MAGEC1: variants seen among roughly 807,000 people sequenced by gnomAD.
The protein encoded by MAGEC1 is MAGE family member C1, also known as melanoma-associated antigen C1.
Under a neutral mutation model 1.5 loss-of-function variants are expected in MAGEC1, and 3 were observed. The ratio of observed to expected loss-of-function variants is 1.97; its 90% CI spans 0.90 to 5.10. The LOEUF is 5.10. Among genes scored for constraint, MAGEC1 ranks in the 30% most tolerant of loss-of-function variants. MAGEC1 has a pLI of 0.02. For missense variants in MAGEC1, 985 were observed against 803.1 expected, an observed-to-expected ratio of 1.23 and a Z score of -2.74; for synonymous variants, 357 against 310.4, an observed-to-expected ratio of 1.15 and a Z score of -1.58.
At position 141,906,525 on chromosome X, in the gene MAGEC1, A is replaced by G. The variant is rs768740278; in HGVS notation, c.1121A>G (p.Gln374Arg). ...TFEGFPQSPL[Q>R]IPGSPSFSST... is the part of the protein sequence containing the mutation. ...GAGGGTTTTCCCCAGTCTCCTCTCC[A>G]GATTCCTGGGAGCCCCTCCTTCTCC... Residue 374 changes from glutamine (Q) to arginine (R), a missense_variant, in exon 4 of 4, where the codon CAG (glutamine) becomes CGG (arginine). Physicochemically the swap from Gln to Arg is conservative, Grantham distance 43. Transcript: ENST00000285879. 3.9e-5 allele frequency: 47 copies of G among 1,194,971 alleles called. No homozygotes were observed. The highest frequency in any genetic ancestry group is 1.1e-5 in the Non-Finnish European group (10 of 887,574).
rs776926725 is a variant in MAGEC1 at position 141,906,906 on chromosome X, G to A, written c.1502G>A (p.Cys501Tyr). The A allele has an allele frequency of 8.3e-7, 1 of 1,210,908 alleles. No individual in the cohort carries two copies. The highest frequency in any genetic ancestry group is 2.2e-5 in the Admixed American group (1 of 45,995). Residue 501 changes from cysteine to tyrosine, a missense_variant, in exon 4 of 4, where the codon TGT becomes TAT. By Grantham distance (194) the Cys-to-Tyr change is radical. Transcript: ENST00000285879. The stretch of plus-strand genomic sequence containing the variant: ...AGTCTTTTCCAGAGTTCCCCTGAGT[G>A]TACTCAAAGTACTTTTGAGGGTTTT... Reference protein sequence around the residue: ...LLSLFQSSPECTQSTFEGFPQ... With the variant: ...LLSLFQSSPEYTQSTFEGFPQ...
In MAGEC1 at chrX:141,907,293, G is replaced by A; in HGVS notation, c.1889G>A (p.Ser630Asn). ...EFQSSLQSPV[S>N]ICSSSTPSSL... is the part of the protein sequence containing the mutation. Reference sequence around the variant, plus strand: ...CAGTCTTCTCTCCAGAGCCCTGTGAGCATCTGCTCCTCCTCCACTCCATCC... The same window carrying A: ...CAGTCTTCTCTCCAGAGCCCTGTGAACATCTGCTCCTCCTCCACTCCATCC... Residue 630 changes from serine (S) to asparagine (N), a missense_variant, in exon 4 of 4, where the codon AGC (serine) becomes AAC (asparagine). Coordinates refer to ENST00000285879, the MANE Select transcript of MAGEC1 (RefSeq NM_005462.5). The A allele has an allele frequency of 8.3e-7, 1 of 1,208,910 alleles. No individual in the cohort carries two copies. The highest frequency in any genetic ancestry group is 1.1e-6 in the Non-Finnish European group (1 of 894,473).
Position 141,905,052 on chromosome X carries a change from C to T in MAGEC1, c.-21C>T. Reference sequence around the variant, plus strand: ...ACCTTAAGAGAAGAAGAGCTGTAAGCCGGCCTTTGTCAGAGCCATCATGGG... The same window carrying T: ...ACCTTAAGAGAAGAAGAGCTGTAAGTCGGCCTTTGTCAGAGCCATCATGGG... On this transcript the variant is annotated 5_prime_UTR_variant, in exon 3 of 4. Transcript: ENST00000285879. 8.3e-7 allele frequency: 1 copy of T among 1,212,008 alleles called. No homozygotes were observed. Among genetic ancestry groups the T allele is most frequent in the Non-Finnish European group, 1.1e-6 (1 of 895,536 alleles).
Position 141,905,582 on chromosome X carries a change from G to C in MAGEC1, c.178G>C (p.Gly60Arg), listed in dbSNP as rs752925513. The C allele has an allele frequency of 2.9e-5, 35 of 1,208,988 alleles. No homozygotes were observed. Among genetic ancestry groups the C allele is most frequent in the Non-Finnish European group, 3.8e-5 (34 of 894,580 alleles). The change falls in exon 4 of 4, where the codon GGG (glycine) becomes CGG (arginine). Residue 60 changes from glycine to arginine, a missense_variant. By Grantham distance (125) the Gly-to-Arg change is moderately radical. Transcript: ENST00000285879. ...CCAGAGTCCTCAGAGTCGTTCTGAG[G>C]GGGAGGACTCCTCGGATCCTCTCCA... ...PLQSPQSRSE[G>R]EDSSDPLQRP... is the part of the protein sequence containing the mutation.
At chrX:141,904,927 C>T in intron 2 of MAGEC1, 43 bp from the exon 3 acceptor site, 1 of 919,444 alleles carries the variant, frequency 1.1e-6, no homozygotes, top group Admixed American at 2.4e-5. Context: ...CAGGCTCTGC[C>T]TGCCAGCTGT....
chrX:141,905,383 C>T, intron 3 of MAGEC1, 26 bp from the exon 4 acceptor site: 1 of 1,175,910 alleles, frequency 8.5e-7, no homozygotes, highest in Non-Finnish European at 1.1e-6. Flanking sequence ...CATCCTCATC[C>T]TCCTCTCTGC....
intron 1 of MAGEC1, 46 bp downstream of exon 1, chrX:141,904,024 G>C (rs1300362438): frequency 8.8e-6 from 1 of 113,212 alleles, no homozygotes; most frequent in Admixed American, 9.3e-5. Flanking sequence ...ACCACAGAGA[G>C]AAGCAGCCCT....
rs77030469 is a variant in MAGEC1 at position 141,905,818 on chromosome X, T to C, written c.414T>C (p.Ser138=). 21 of 1,210,616 alleles carry C rather than the reference T, an allele frequency of 1.7e-5. No individual in the cohort carries two copies. Among genetic ancestry groups the C allele is most frequent in the South Asian group, 1.6e-4 (9 of 56,794 alleles). ...ATCCTGCGAGTTCCTTCTTCTCCTC[T>C]GCTTTATTGAGTATTTTCCAGAGTT... The part of the protein sequence containing the change: ...LQNPASSFFS[S]ALLSIFQSSP... The change falls in exon 4 of 4, where the codon TCT becomes TCC. Residue 138 remains serine, a synonymous_variant. Coordinates refer to ENST00000285879, the MANE Select transcript of MAGEC1 (RefSeq NM_005462.5).
Position 141,908,074 on chromosome X carries a change from C to T in MAGEC1, c.2670C>T (p.Ser890=). Residue 890 remains serine (S), a synonymous_variant, in exon 4 of 4, where the codon TCC becomes TCT. Coordinates refer to ENST00000285879, the MANE Select transcript of MAGEC1 (RefSeq NM_005462.5). The part of the protein sequence containing the change: ...SSSDTLLESD[S]LTDSESLIES... Reference sequence around the variant, plus strand: ...CAGACACCTTGCTAGAGAGTGATTCCTTGACAGACAGCGAGTCCTTGATAG... The same window carrying T: ...CAGACACCTTGCTAGAGAGTGATTCTTTGACAGACAGCGAGTCCTTGATAG... 1 of 1,211,974 alleles carries T rather than the reference C, an allele frequency of 8.3e-7. No homozygotes were observed. The highest frequency in any genetic ancestry group is 1.1e-6 in the Non-Finnish European group (1 of 895,585).
chrX:141,905,480 C>A lies in MAGEC1; in HGVS notation c.76C>A (p.Pro26Thr), dbSNP rs1248359822. The change falls in exon 4 of 4, where the codon CCT becomes ACT. Residue 26 changes from proline to threonine, a missense_variant. Pro to Thr is a conservative substitution (Grantham distance 38, BLOSUM62 -1). Coordinates refer to ENST00000285879, the MANE Select transcript of MAGEC1 (RefSeq NM_005462.5). ...TTCCTCTGAGAGTCCTCAGAGTTGT[C>A]CTGAGGGGGAGGACTCCCAGTCTCC... ...QSSSESPQSCPEGEDSQSPLQ... is the reference protein window; with the variant it reads ...QSSSESPQSCTEGEDSQSPLQ... The A allele has an allele frequency of 8.3e-7, 1 of 1,210,799 alleles. No individual in the cohort carries two copies.
At position 141,908,835 on chromosome X, in the gene MAGEC1, G is replaced by T; in HGVS notation, c.*2G>T. 1 of 1,174,299 alleles carries T rather than the reference G, an allele frequency of 8.5e-7. No homozygotes were observed. On this transcript the variant is annotated 3_prime_UTR_variant, in exon 4 of 4. Transcript: ENST00000285879. ...TCCCCCAGCTTCTCTTCTGAGTGAA[G>T]TCTAGGGCAGATTCTTCCCTCTGAG...
In MAGEC1 at chrX:141,908,991, C is replaced by A; in HGVS notation, c.*158C>A. On this transcript the variant is annotated 3_prime_UTR_variant, in exon 4 of 4. Transcript: ENST00000285879. Reference sequence around the variant, plus strand: ...ACCTGTTTTACTTTTGGGTATTTTTCAAATGCTTTTCCTATTAATAACAGG... The same window carrying A: ...ACCTGTTTTACTTTTGGGTATTTTTAAAATGCTTTTCCTATTAATAACAGG... The A allele has an allele frequency of 2.5e-6, 1 of 404,333 alleles. No individual in the cohort carries two copies. The highest frequency in any genetic ancestry group is 4.0e-6 in the Non-Finnish European group (1 of 246,972). 33.3% of individuals were successfully genotyped at this position (404,333 alleles called of 1,213,427 possible).
At position 141,907,726 on chromosome X, in the gene MAGEC1, T is replaced by G. The variant is rs1758905907; in HGVS notation, c.2322T>G (p.Pro774=). Reference sequence around the variant, plus strand: ...CTCCTGAGGGGCCTGCTCAGTCTCCTCTCCAGAGACCTGTCAGCTCCTTCT... The same window carrying G: ...CTCCTGAGGGGCCTGCTCAGTCTCCGCTCCAGAGACCTGTCAGCTCCTTCT... ...QSPPEGPAQS[P]LQRPVSSFFS... is the part of the protein sequence containing the mutation. Residue 774 remains proline (P), a synonymous_variant, in exon 4 of 4, where the codon CCT becomes CCG. Transcript: ENST00000285879. 1 of 1,208,310 alleles carries G rather than the reference T, an allele frequency of 8.3e-7. No individual in the cohort carries two copies. The highest frequency in any genetic ancestry group is 2.2e-5 in the Admixed American group (1 of 45,729).
In MAGEC1 at chrX:141,907,648, C is replaced by G; in HGVS notation, c.2244C>G (p.Ser748=). ...TCCAGAGTCCTGTGAGTATCTGCTC[C>G]TCCTCCACTTCTTTGAGTCTTCCCC... is the stretch of plus-strand genomic sequence containing the variant. ...SSLQSPVSIC[S]SSTSLSLPQS... The change falls in exon 4 of 4, where the codon TCC becomes TCG. Residue 748 remains serine (S), a synonymous_variant. Coordinates refer to ENST00000285879, the MANE Select transcript of MAGEC1 (RefSeq NM_005462.5). The G allele has an allele frequency of 8.3e-7, 1 of 1,209,517 alleles. No individual in the cohort carries two copies. The highest frequency in any genetic ancestry group is 1.1e-6 in the Non-Finnish European group (1 of 894,487).
At position 141,905,813 on chromosome X, in the gene MAGEC1, T is replaced by C. The variant is rs1391354613; in HGVS notation, c.409T>C (p.Ser137Pro). 8.2e-7 allele frequency: 1 copy of C among 1,212,236 alleles called. No homozygotes were observed. The highest frequency in any genetic ancestry group is 2.2e-5 in the Admixed American group (1 of 46,089). Residue 137 changes from serine (S) to proline (P), a missense_variant, in exon 4 of 4, where the codon TCC becomes CCC. Physicochemically the swap from Ser to Pro is moderately conservative, Grantham distance 74. Transcript: ENST00000285879. ...GCAGAATCCTGCGAGTTCCTTCTTC[T>C]CCTCTGCTTTATTGAGTATTTTCCA... ...PLQNPASSFF[S>P]SALLSIFQSS...
Position 141,908,578 on chromosome X carries a change from G to A in MAGEC1, c.3174G>A (p.Glu1058=), listed in dbSNP as rs12845617. The change falls in exon 4 of 4, where the codon GAG becomes GAA. Residue 1058 remains glutamate (E), a synonymous_variant. Coordinates refer to ENST00000285879, the MANE Select transcript of MAGEC1 (RefSeq NM_005462.5). ...AGGAACATTACCTAGAGTACCGGGA[G>A]GTGCCCAACTCTTCTCCTCCTCGTT... ...WVQEHYLEYR[E]VPNSSPPRYE... is the part of the protein sequence containing the mutation. 187,755 of 1,201,785 alleles carry A rather than the reference G, an allele frequency of 0.16. 10,033 individuals carry two copies. Among genetic ancestry groups the A allele is most frequent in the South Asian group, 0.19 (10,784 of 55,459 alleles).
rs866089909 is a variant in MAGEC1 at position 141,907,872 on chromosome X, C to T, written c.2468C>T (p.Ser823Leu). The T allele has an allele frequency of 2.3e-5, 28 of 1,209,089 alleles. No individual in the cohort carries two copies. Among genetic ancestry groups the T allele is most frequent in the South Asian group, 8.8e-5 (5 of 56,657 alleles). ...AGCTCCTTCCCCTCCTCCACTTCAT[C>T]GAGTCTTTCCCAGAGTTCTCCTGTG... ...PVSSFPSSTS[S>L]SLSQSSPVSS... The change falls in exon 4 of 4, where the codon TCG (serine) becomes TTG (leucine). Residue 823 changes from serine (S) to leucine (L), a missense_variant. Transcript: ENST00000285879.
rs777621758 is a variant in MAGEC1 at position 141,905,025 on chromosome X, C to G, written c.-48C>G. The G allele has an allele frequency of 8.3e-7, 1 of 1,211,592 alleles. No individual in the cohort carries two copies. Among genetic ancestry groups the G allele is most frequent in the Admixed American group, 2.2e-5 (1 of 46,073 alleles). ...AGGCGACCTGTGAGGCCCTAGAGCACCACCTTAAGAGAAGAAGAGCTGTAA... is the reference window on the plus strand; with the variant it reads ...AGGCGACCTGTGAGGCCCTAGAGCAGCACCTTAAGAGAAGAAGAGCTGTAA... On this transcript the variant is annotated 5_prime_UTR_variant, in exon 3 of 4. Transcript: ENST00000285879.
Position 141,906,980 on chromosome X carries a change from A to G in MAGEC1, c.1576A>G (p.Thr526Ala). 1 of 1,208,520 alleles carries G rather than the reference A, an allele frequency of 8.3e-7. No individual in the cohort carries two copies. Among genetic ancestry groups the G allele is most frequent in the Non-Finnish European group, 1.1e-6 (1 of 893,839 alleles). The change falls in exon 4 of 4, where the codon ACC becomes GCC. Residue 526 changes from threonine to alanine, a missense_variant. Coordinates refer to ENST00000285879, the MANE Select transcript of MAGEC1 (RefSeq NM_005462.5). ...IPQSPPEGEN[T>A]HSPLQIVPSL... ...TCAGAGTCCTCCTGAAGGGGAGAAT[A>G]CCCATTCTCCTCTCCAGATTGTTCC...
Sources: gnomAD v4.1 joint callset for allele counts on GRCh38, gnomAD v4.1.1 for gene constraint, MANE v1.5 for transcripts, NCBI Gene and HGNC (gene_info 2026-07-23, HGNC 2026-07-21) for gene names.